The following ARHGAP42 variants were observed in gnomAD, a reference collection of about 807,000 sequenced individuals.
ARHGAP42 encodes Rho GTPase activating protein 42, also known as rho GTPase-activating protein 42.
Under a neutral mutation model 125.0 loss-of-function variants are expected in ARHGAP42, and 63 were observed. The observed-to-expected ratio is 0.50, with a 90% CI of 0.41 to 0.62. ARHGAP42 has a LOEUF of 0.62. Among genes scored for constraint, ARHGAP42 ranks in the 20% least tolerant of loss-of-function variants. The probability of loss-of-function intolerance (pLI) is 0.00; values close to 1 mark genes in which losing one functional copy is unlikely to be tolerated. For synonymous variants in ARHGAP42, 339 were observed against 351.0 expected, an observed-to-expected ratio of 0.97 and a Z score of 0.38; for missense variants, 766 against 1,024.2, an observed-to-expected ratio of 0.75 and a Z score of 3.44.
At chr11:100,873,889 G>A (rs1351828341) in intron 4 of ARHGAP42, among the ~76,000 whole-genome samples, 3 of 152,170 alleles carry the variant, frequency 2.0e-5, no homozygotes, top group Admixed American at 2.0e-4. Flanking sequence ...ATTCATGAGG[G>A]CAGTCCAGTC....
At chr11:100,959,161 T>C (rs12420466) in intron 12 of ARHGAP42, among the ~76,000 whole-genome samples, 7,501 of 152,116 alleles carry the variant, frequency 0.049, 326 homozygotes, top group East Asian at 0.25. Context: ...ATTTTTTAAA[T>C]AAATGCTTTC....
chr11:100,701,120 G>A (rs1435432480), intron 1 of ARHGAP42, among the ~76,000 whole-genome samples: 1 of 151,780 alleles, frequency 6.6e-6, no homozygotes, highest in African/African-American at 2.4e-5. Flanking sequence ...CATTGTCAAT[G>A]AGCAGTAATA....
intron 3 of ARHGAP42, among the ~76,000 whole-genome samples, chr11:100,832,157 A>G (rs1864677434): frequency 6.6e-6 from 1 of 152,246 alleles, no homozygotes; most frequent in African/African-American, 2.4e-5. Flanking sequence ...ATGGCATCCC[A>G]GTTAGGCACA....
intron 4 of ARHGAP42, among the ~76,000 whole-genome samples, chr11:100,865,337 G>C (rs1054228482): frequency 6.6e-6 from 1 of 152,136 alleles, no homozygotes; most frequent in Non-Finnish European, 1.5e-5. Flanking sequence ...AGTGACTGCA[G>C]TCTAACTTGT....
At chr11:100,699,990 C>T (rs1861369760) in intron 1 of ARHGAP42, among the ~76,000 whole-genome samples, 1 of 152,098 alleles carries the variant, frequency 6.6e-6, no homozygotes, top group African/African-American at 2.4e-5. Context: ...CAATCTCTGC[C>T]TCTGCTGTCA....
At chr11:100,965,800 C>A in intron 17 of ARHGAP42, 24 bp downstream of exon 17, 1 of 1,514,506 alleles carries the variant, frequency 6.6e-7, no homozygotes, top group South Asian at 1.2e-5. Flanking sequence ...TTACATTGTT[C>A]ATTTAACTTA....
chr11:100,910,565 T>C (rs968818161), intron 4 of ARHGAP42, among the ~76,000 whole-genome samples: 1 of 151,960 alleles, frequency 6.6e-6, no homozygotes, highest in Non-Finnish European at 1.5e-5. Context: ...CAGCGCTTAT[T>C]TCAGAGAAAA....
chr11:100,942,790 G>A (rs1591311304), intron 9 of ARHGAP42, among the ~76,000 whole-genome samples: 1 of 150,928 alleles, frequency 6.6e-6, no homozygotes, highest in South Asian at 2.1e-4. Context: ...AAATAAAGGA[G>A]AACATAACCA....
At chr11:100,915,492 C>T (rs367637887) in intron 5 of ARHGAP42, among the ~76,000 whole-genome samples, 11 of 152,100 alleles carry the variant, frequency 7.2e-5, no homozygotes, top group Non-Finnish European at 1.2e-4. Flanking sequence ...CAATAAATAT[C>T]GGAAGTCATC....
At chr11:100,822,671 A>G (rs1453945213) in intron 3 of ARHGAP42, among the ~76,000 whole-genome samples, 1 of 152,160 alleles carries the variant, frequency 6.6e-6, no homozygotes, top group Non-Finnish European at 1.5e-5. Context: ...TTCTATCATT[A>G]TAGAATGCTT....
intron 1 of ARHGAP42, among the ~76,000 whole-genome samples, chr11:100,732,415 CTA>C (rs1365165488): frequency 6.6e-6 from 1 of 152,166 alleles, no homozygotes; most frequent in African/African-American, 2.4e-5. Flanking sequence ...TGGAAACAGT[CTA>C]TATGTCTCTA....
At chr11:100,803,325 G>C (rs903215307) in intron 3 of ARHGAP42, among the ~76,000 whole-genome samples, 41 of 152,138 alleles carry the variant, frequency 2.7e-4, no homozygotes, top group African/African-American at 9.4e-4. Context: ...TGGGGCTGGA[G>C]ATATAAATTT....
intron 1 of ARHGAP42, among the ~76,000 whole-genome samples, chr11:100,762,444 G>A (rs933071093): frequency 1.3e-5 from 2 of 152,118 alleles, no homozygotes; most frequent in African/African-American, 4.8e-5. Flanking sequence ...TGTTTCTCAA[G>A]GCCTTCAAGG....
intron 1 of ARHGAP42, among the ~76,000 whole-genome samples, chr11:100,712,701 T>G (rs1353671173): frequency 1.3e-5 from 2 of 152,136 alleles, no homozygotes; most frequent in Non-Finnish European, 2.9e-5. Context: ...GGGAAGGAGT[T>G]AATGAGTTCT....
intron 2 of ARHGAP42, among the ~76,000 whole-genome samples, chr11:100,793,703 A>G (rs555645291): frequency 6.1e-4 from 93 of 152,228 alleles, no homozygotes; most frequent in African/African-American, 1.9e-3. Flanking sequence ...TTTATGCCAG[A>G]ATTACTAAAC....
intron 8 of ARHGAP42, among the ~76,000 whole-genome samples, chr11:100,937,860 A>G (rs533651581): frequency 4.6e-5 from 7 of 152,252 alleles, no homozygotes; most frequent in Admixed American, 1.3e-4. Flanking sequence ...TTGCCTACCT[A>G]TTGTCAAGCT....
At chr11:100,841,698 C>T (rs569167176) in intron 3 of ARHGAP42, among the ~76,000 whole-genome samples, 57 of 152,204 alleles carry the variant, frequency 3.7e-4, no homozygotes, top group African/African-American at 1.2e-3. Context: ...ATATGTCTTA[C>T]GGCATTGGCA....
chr11:100,779,529 C>T (rs562268878), intron 2 of ARHGAP42, among the ~76,000 whole-genome samples: 1 of 131,180 alleles, frequency 7.6e-6, no homozygotes, highest in Non-Finnish European at 1.6e-5. Context: ...CGTATACATG[C>T]GTATATATAC....
rs182660717 is a variant in ARHGAP42 at position 100,913,376 on chromosome 11, T to C, written c.385-76T>C. 492 of 505,026 alleles carry C rather than the reference T, an allele frequency of 9.7e-4. 10 individuals are homozygous for C. In the East Asian group the frequency reaches 0.017, roughly 17 times the overall value. The allele number at this position is 505,026 out of a possible 1,614,324, so 31.3% of individuals were successfully genotyped here. A position where few individuals can be genotyped will look rare whatever the true frequency, so the allele number is the denominator to read the frequency against. On this transcript the variant is annotated intron_variant, in intron 4 of 23. Coordinates refer to ENST00000298815, the MANE Select transcript of ARHGAP42 (RefSeq NM_152432.4). ...TTTATTAAATAATTACATGGGACTT[T>C]GATGGGAATGGTGAAAGTCGGGGTT...
Sources: allele counts gnomAD v4.1 joint callset (sites outside exome capture counted in the v4.1 genomes callset), GRCh38; gene constraint gnomAD v4.1.1; transcripts MANE v1.5; gene names NCBI Gene and HGNC (gene_info 2026-07-23, HGNC 2026-07-21).